The following DSCAM variants were observed in gnomAD, a reference collection of about 807,000 sequenced individuals.
DSCAM encodes DS cell adhesion molecule.
Under a neutral mutation model 217.7 loss-of-function variants are expected in DSCAM, and 47 were observed. The observed-to-expected ratio is 0.22, with a 90% CI of 0.17 to 0.28. DSCAM has a LOEUF of 0.28. Ranked by LOEUF, DSCAM falls within the 10% of genes least tolerant of loss-of-function variation. DSCAM has a pLI of 1.00. For synonymous variants in DSCAM, 1,056 were observed against 1,015.3 expected, an observed-to-expected ratio of 1.04 and a Z score of -0.76; for missense variants, 2,080 against 2,618.3, an observed-to-expected ratio of 0.79 and a Z score of 4.49.
chr21:40,743,331 GCAT>G (rs1342827012), intron 1 of DSCAM, among the ~76,000 whole-genome samples: 1 of 152,114 alleles, frequency 6.6e-6, no homozygotes, highest in Non-Finnish European at 1.5e-5. Context: ...AATTGTTTCT[GCAT>G]CATCAACTCC....
intron 3 of DSCAM, among the ~76,000 whole-genome samples, chr21:40,547,924 G>A (rs1300817028): frequency 3.3e-5 from 5 of 152,144 alleles, no homozygotes; most frequent in Non-Finnish European, 5.9e-5. Context: ...GCAGTGTCCC[G>A]CAGCCCCCCA....
chr21:40,708,457 C>G lies in DSCAM; in HGVS notation c.358G>C (p.Ala120Pro), dbSNP rs764522059. 1.2e-5 allele frequency: 18 copies of G among 1,503,940 alleles called. No individual in the cohort carries two copies. The highest frequency in any genetic ancestry group is 6.5e-5 in the Admixed American group (3 of 46,340). The allele number at this position is 1,503,940 out of a possible 1,614,324, so 93.2% of individuals were successfully genotyped here. The change falls in exon 2 of 33, where the codon GCT (alanine) becomes CCT (proline). Residue 120 changes from alanine to proline, a missense_variant. Transcript: ENST00000400454. The part of the protein sequence containing the change: ...KIRSQDVHIK[A>P]VLREPYTVRV... ...CAAAGCCCAGAGCTGTACTCACCAG[C>G]CTTGATGTGGACATCCTGACTTCTA... is the stretch of plus-strand genomic sequence containing the variant.
At chr21:40,377,962 A>T (rs2074980165) in intron 3 of DSCAM, among the ~76,000 whole-genome samples, 1 of 152,220 alleles carries the variant, frequency 6.6e-6, no homozygotes, top group Admixed American at 6.5e-5. Context: ...TAAGAACCTG[A>T]CAGAGAAAAG....
At chr21:40,364,103 T>G (rs550925579) in intron 4 of DSCAM, among the ~76,000 whole-genome samples, 3 of 152,156 alleles carry the variant, frequency 2.0e-5, no homozygotes, top group African/African-American at 7.2e-5. Flanking sequence ...GTTCAAACAT[T>G]GTGAAAGTCA....
Position 40,075,075 on chromosome 21 carries a change from C to T in DSCAM, c.4850G>A (p.Arg1617Gln), listed in dbSNP as rs913740674. Residue 1617 changes from arginine to glutamine, a missense_variant, in exon 27 of 33, where the codon CGG (arginine) becomes CAG (glutamine). Arg to Gln is a conservative substitution (Grantham distance 43, BLOSUM62 1). Transcript: ENST00000400454. ...LLLFVLLLVV[R>Q]RRRREQRLKR... ...TAGCCTCTGCTCCCGCCGCCTCCTCCGCACAACCAGCAGGAGCACAAACAG... is the reference window on the plus strand; with the variant it reads ...TAGCCTCTGCTCCCGCCGCCTCCTCTGCACAACCAGCAGGAGCACAAACAG... The T allele has an allele frequency of 1.1e-5, 17 of 1,614,080 alleles. No individual in the cohort carries two copies. The highest frequency in any genetic ancestry group is 7.7e-5 in the South Asian group (7 of 91,090).
intron 3 of DSCAM, among the ~76,000 whole-genome samples, chr21:40,523,820 C>A (rs1470993551): frequency 1.3e-5 from 2 of 152,096 alleles, no homozygotes; most frequent in African/African-American, 4.8e-5. Context: ...CACACACACA[C>A]TGGGGCCTCA....
chr21:40,210,468 AAT>A (rs2146878070), intron 11 of DSCAM, among the ~76,000 whole-genome samples: 1 of 152,330 alleles, frequency 6.6e-6, no homozygotes, highest in South Asian at 2.1e-4. Context: ...GCTGTGGTGC[AAT>A]ATCAGAGCCA....
chr21:40,473,970 C>T (rs1480788004), intron 3 of DSCAM, among the ~76,000 whole-genome samples: 1 of 152,136 alleles, frequency 6.6e-6, no homozygotes, highest in Non-Finnish European at 1.5e-5. Flanking sequence ...TTGTGGCAGC[C>T]CTAGCAGATG....
intron 19 of DSCAM, among the ~76,000 whole-genome samples, chr21:40,127,779 T>C (rs1601358523): frequency 6.6e-6 from 1 of 152,182 alleles, no homozygotes. Flanking sequence ...CTGCTGTCAC[T>C]TGATGGGCCC....
chr21:40,740,178 A>G (rs2091110644), intron 1 of DSCAM, among the ~76,000 whole-genome samples: 1 of 152,068 alleles, frequency 6.6e-6, no homozygotes, highest in Non-Finnish European at 1.5e-5. Flanking sequence ...TGAGGATAAA[A>G]AACTCTAAAT....
chr21:40,405,941 G>A (rs749174030), intron 3 of DSCAM, among the ~76,000 whole-genome samples: 83 of 152,280 alleles, frequency 5.5e-4, no homozygotes, highest in Non-Finnish European at 1.0e-3. Context: ...CAGTTGCAGC[G>A]AGCCGAGATT....
At chr21:40,840,481 T>G (rs2092091533) in intron 1 of DSCAM, among the ~76,000 whole-genome samples, 3 of 152,140 alleles carry the variant, frequency 2.0e-5, no homozygotes, top group Non-Finnish European at 4.4e-5. Flanking sequence ...ATCATGCCAT[T>G]TAGCAGCGTA....
intron 11 of DSCAM, among the ~76,000 whole-genome samples, chr21:40,262,194 T>A (rs2073462547): frequency 6.6e-6 from 1 of 152,150 alleles, no homozygotes; most frequent in Non-Finnish European, 1.5e-5. Context: ...CTTTTCAGCC[T>A]CGATAACTGT....
intron 26 of DSCAM, 41 bp downstream of exon 26, chr21:40,078,646 C>T (rs2297259): frequency 0.096 from 153,545 of 1,592,498 alleles, 9,632 homozygotes; most frequent in African/African-American, 0.32. Context: ...TGCACATCCC[C>T]CAAGACACAA....
chr21:40,220,664 G>A (rs980557833), intron 11 of DSCAM, among the ~76,000 whole-genome samples: 1 of 152,172 alleles, frequency 6.6e-6, no homozygotes, highest in African/African-American at 2.4e-5. Flanking sequence ...CAGTGATGAG[G>A]ATGTATTAGA....
chr21:40,096,115 G>A (rs1027679085), intron 20 of DSCAM, among the ~76,000 whole-genome samples: 2 of 152,158 alleles, frequency 1.3e-5, no homozygotes, highest in African/African-American at 2.4e-5. Context: ...TGCTCACTGA[G>A]ATAGATGCAT....
chr21:40,527,025 C>A (rs900932778), intron 3 of DSCAM, among the ~76,000 whole-genome samples: 2 of 152,088 alleles, frequency 1.3e-5, no homozygotes, highest in Non-Finnish European at 2.9e-5. Context: ...CCCTGCTGTT[C>A]CATCCCTCTG....
intron 16 of DSCAM, among the ~76,000 whole-genome samples, chr21:40,160,039 A>G (rs1331006756): frequency 6.6e-6 from 1 of 152,168 alleles, no homozygotes; most frequent in Non-Finnish European, 1.5e-5. Context: ...TAGGATAGGG[A>G]TCCAAATCGG....
At chr21:40,455,950 A>G (rs952918979) in intron 3 of DSCAM, among the ~76,000 whole-genome samples, 1 of 152,180 alleles carries the variant, frequency 6.6e-6, no homozygotes, top group Admixed American at 6.5e-5. Context: ...GAAGAGCAGC[A>G]CATAAATGAG....
Sources: gnomAD v4.1 joint callset for allele counts (sites outside exome capture counted in the v4.1 genomes callset) on GRCh38, gnomAD v4.1.1 for gene constraint, MANE v1.5 for transcripts, NCBI Gene and HGNC (gene_info 2026-07-23, HGNC 2026-07-21) for gene names.